Variants in PRH1 observed in about 807,000 individuals in gnomAD.
PRH1 encodes proline rich protein HaeIII subfamily 1.
Under a neutral mutation model 7.9 loss-of-function variants are expected in PRH1, and 7 were observed. That is an observed-to-expected ratio of 0.89 (90% CI 0.50 to 1.67). PRH1 has a LOEUF of 1.67. Ranked by LOEUF, PRH1 falls within the 40% of genes most tolerant of loss-of-function variation. The pLI, the probability that PRH1 is intolerant of heterozygous loss-of-function variation, is 0.00. For synonymous variants in PRH1, 45 were observed against 80.8 expected (o/e 0.56, Z 2.38); for missense variants, 109 against 223.6 (o/e 0.49, Z 3.27).
At chr12:10,884,318 A>C, upstream of PRH1, 1 of 1,489,702 alleles carries the variant, frequency 6.7e-7, no homozygotes, top group South Asian at 1.1e-5. Flanking sequence ...TGAGCTCCCT[A>C]CCAGGTGGGC....
In PRH1 at chr12:11,093,463, T is replaced by C. The variant is rs1399146071; in HGVS notation, n.124-46275A>G. ...GTAATTTCCAAAATAAAAAATGAGT[T>C]TCCAAGAGGCTGTGCAGATGAAATT... On this transcript the variant is annotated intron_variant and non_coding_transcript_variant, in intron 1 of 4. Transcript: ENST00000541977. Among the ~76,000 whole-genome samples the C allele has an allele frequency of 7.7e-5, 9 of 116,182 alleles. 3 individuals carry two copies. The highest frequency in any genetic ancestry group is 1.4e-4 in the Non-Finnish European group (7 of 49,092). The allele number at this position is 116,182 out of a possible 152,430, so 76.2% of individuals were successfully genotyped here. A position where few individuals can be genotyped will look rare whatever the true frequency, so the allele number is the denominator to read the frequency against.
At chr12:10,954,610 T>A (rs1437666329) in intron 2 of PRH1, among the ~76,000 whole-genome samples, 1 of 152,104 alleles carries the variant, frequency 6.6e-6, no homozygotes, top group Admixed American at 6.5e-5. Context: ...TGGGACCACA[T>A]GTGTGCACCA....
chr12:11,125,453 G>A (rs1565677684), intron 1 of PRH1, among the ~76,000 whole-genome samples: 4 of 152,278 alleles, frequency 2.6e-5, no homozygotes, highest in Non-Finnish European at 4.4e-5. Context: ...TACATTCTCA[G>A]CTACTGTCAC....
intron 1 of PRH1, among the ~76,000 whole-genome samples, chr12:11,044,173 C>T (rs578011076): frequency 3.3e-5 from 5 of 152,160 alleles, no homozygotes; most frequent in South Asian, 4.2e-4. Context: ...GAAAAAGATG[C>T]CAAGAACGTA....
intron 1 of PRH1, chr12:11,030,367 G>A (rs1183785896): frequency 2.5e-6 from 4 of 1,586,246 alleles, no homozygotes; most frequent in Non-Finnish European, 3.4e-6. Context: ...CCACCAGTTT[G>A]TTTTCTGCTA....
chr12:10,989,358 T>C (rs760419899), intron 1 of PRH1, among the ~76,000 whole-genome samples: 11 of 152,190 alleles, frequency 7.2e-5, no homozygotes, highest in Admixed American at 5.9e-4. Context: ...CTTTAGTTGA[T>C]ACATATTTGG....
chr12:10,997,135 T>G (rs988226309), intron 1 of PRH1: 10 of 1,614,008 alleles, frequency 6.2e-6, no homozygotes, highest in Non-Finnish European at 8.5e-6. Flanking sequence ...TCCAAAACGA[T>G]ATGATTAGAC....
intron 1 of PRH1, among the ~76,000 whole-genome samples, chr12:11,159,876 G>GT (rs1376116202): frequency 6.6e-6 from 1 of 152,054 alleles, no homozygotes; most frequent in Non-Finnish European, 1.5e-5. Context: ...TATTTATATT[G>GT]TAACTCCGGT....
chr12:10,952,725 A>G (rs1372370881), intron 2 of PRH1, among the ~76,000 whole-genome samples: 1 of 152,216 alleles, frequency 6.6e-6, no homozygotes, highest in Non-Finnish European at 1.5e-5. Flanking sequence ...AAATATCCAC[A>G]TGCATAAAGA....
At chr12:11,016,668 C>T (rs148035826) in intron 1 of PRH1, among the ~76,000 whole-genome samples, 1 of 152,336 alleles carries the variant, frequency 6.6e-6, no homozygotes, top group East Asian at 1.9e-4. Context: ...AGGTCAGATG[C>T]TACCTAGAGT....
chr12:11,119,393 T>C (rs1945827415), downstream of PRH1, among the ~76,000 whole-genome samples: 1 of 151,696 alleles, frequency 6.6e-6, no homozygotes, highest in African/African-American at 2.4e-5. Flanking sequence ...AATGATAATT[T>C]AGCTGTACAT....
In PRH1 at chr12:10,972,831, C is replaced by A. The variant is rs533214917; in HGVS notation, c.-59+824G>T. ...AATGCATTCAAGATTTTTTTGGGAA[C>A]CCCAGGAAGGCCAGTACTCTTTAAA... On this transcript the variant is annotated intron_variant, in intron 2 of 3. Coordinates refer to the PRH1 transcript ENST00000539853. Among the ~76,000 whole-genome samples the A allele has an allele frequency of 4.1e-4, 62 of 151,974 alleles. 1 individual carries two copies. The highest frequency in any genetic ancestry group is 1.4e-3 in the African/African-American group (60 of 41,406).
At chr12:11,116,212 C>A (rs555280194), downstream of PRH1, among the ~76,000 whole-genome samples, 1 of 151,926 alleles carries the variant, frequency 6.6e-6, no homozygotes, top group Admixed American at 6.6e-5. Context: ...GATATTACAA[C>A]TGATACCACT....
At chr12:11,025,709 T>C (rs75711478) in intron 1 of PRH1, among the ~76,000 whole-genome samples, 3 of 150,920 alleles carry the variant, frequency 2.0e-5, no homozygotes, top group Admixed American at 2.0e-4. Flanking sequence ...CCTCTAGCTC[T>C]GTGTATTTCC....
intron 1 of PRH1, among the ~76,000 whole-genome samples, chr12:11,161,007 C>A (rs1226606399): frequency 6.6e-6 from 1 of 152,108 alleles, no homozygotes; most frequent in African/African-American, 2.4e-5. Flanking sequence ...TATTTCCAAG[C>A]CTCTCTTACA....
chr12:11,085,216 T>C (rs945376640), intron 1 of PRH1, among the ~76,000 whole-genome samples: 6 of 150,424 alleles, frequency 4.0e-5, no homozygotes, highest in African/African-American at 1.5e-4. Flanking sequence ...ACATATTTCC[T>C]TTAACCAATC....
At chr12:11,111,955 A>T (rs1945601171) in intron 1 of PRH1, among the ~76,000 whole-genome samples, 2 of 152,006 alleles carry the variant, frequency 1.3e-5, no homozygotes, top group Admixed American at 1.3e-4. Flanking sequence ...ACACAATAAA[A>T]AATAATAAAG....
chr12:10,997,800 A>G, intron 1 of PRH1: 2 of 1,613,462 alleles, frequency 1.2e-6, no homozygotes, highest in Non-Finnish European at 1.7e-6. Context: ...AGTGCTATAA[A>G]GCCATTGGCA....
intron 2 of PRH1, among the ~76,000 whole-genome samples, chr12:10,889,916 T>C (rs12368184): frequency 6.6e-6 from 1 of 152,350 alleles, no homozygotes; most frequent in East Asian, 1.9e-4. Flanking sequence ...CCATTCATTT[T>C]GAGTGTCTAC....
Sources: allele counts gnomAD v4.1 joint callset (sites outside exome capture counted in the v4.1 genomes callset), GRCh38; gene constraint gnomAD v4.1.1; transcripts MANE v1.5; gene names NCBI Gene and HGNC (gene_info 2026-07-23, HGNC 2026-07-21).